The following ZNF277 variants were observed in gnomAD, a reference collection of about 807,000 sequenced individuals.
The protein encoded by ZNF277 is zinc finger protein 277.
Under a neutral mutation model 60.7 loss-of-function variants are expected in ZNF277, and 55 were observed. That is an observed-to-expected ratio of 0.91 (90% CI 0.73 to 1.13). ZNF277 has a LOEUF of 1.13. ZNF277 is among the 50% of genes most tolerant of loss of function. The probability of loss-of-function intolerance (pLI) is 0.00; values close to 1 mark genes in which losing one functional copy is unlikely to be tolerated. For missense variants in ZNF277, 510 were observed against 523.0 expected (o/e 0.98, Z 0.24); for synonymous variants, 178 against 179.3 (o/e 0.99, Z 0.06).
intron 1 of ZNF277, among the ~76,000 whole-genome samples, chr7:112,258,299 A>T (rs1791370190): frequency 1.3e-5 from 2 of 151,770 alleles, no homozygotes; most frequent in South Asian, 4.2e-4. Context: ...CCTAGTTAGG[A>T]TTACTAGATT....
intron 1 of ZNF277, among the ~76,000 whole-genome samples, chr7:112,270,036 G>A (rs1307448907): frequency 6.6e-6 from 1 of 152,016 alleles, no homozygotes; most frequent in African/African-American, 2.4e-5. Flanking sequence ...TGTAACCAGA[G>A]CAATCCTAAT....
chr7:112,289,959 G>A (rs1317668458), intron 2 of ZNF277, among the ~76,000 whole-genome samples: 4 of 151,776 alleles, frequency 2.6e-5, no homozygotes, highest in African/African-American at 4.8e-5. Flanking sequence ...AGTTACACAC[G>A]TATACATGTG....
At chr7:112,333,162 A>G (rs1194002284) in intron 7 of ZNF277, among the ~76,000 whole-genome samples, 2 of 152,160 alleles carry the variant, frequency 1.3e-5, no homozygotes, top group African/African-American at 4.8e-5. Context: ...TAAAAAAAAA[A>G]AAGATAGATA....
At chr7:112,299,815 AG>A (rs1792434408) in intron 4 of ZNF277, among the ~76,000 whole-genome samples, 1 of 152,230 alleles carries the variant, frequency 6.6e-6, no homozygotes, top group African/African-American at 2.4e-5. Context: ...TCCACGAGGA[AG>A]AACCCTCAAA....
At position 112,280,944 on chromosome 7, in the gene ZNF277, A is replaced by G. The variant is rs73424435; in HGVS notation, c.92-5929A>G. Among the ~76,000 whole-genome samples the G allele has an allele frequency of 9.2e-3, 1,405 of 152,240 alleles. 19 individuals are homozygous for G. The highest frequency in any genetic ancestry group is 0.032 in the African/African-American group (1,332 of 41,546). On this transcript the variant is annotated intron_variant, in intron 1 of 11. Coordinates refer to ENST00000361822, the MANE Select transcript of ZNF277 (RefSeq NM_021994.3). ...CGCCCAGCCCCTATTGTCTTTTACC[A>G]TGGAGTAAGATATAAATGTGACACT...
chr7:112,261,159 T>A (rs1791429327), intron 1 of ZNF277, among the ~76,000 whole-genome samples: 1 of 152,184 alleles, frequency 6.6e-6, no homozygotes, highest in African/African-American at 2.4e-5. Flanking sequence ...TCTCTATCAT[T>A]CTCTGCGTTA....
intron 1 of ZNF277, among the ~76,000 whole-genome samples, chr7:112,243,896 A>G (rs1791019166): frequency 1.3e-5 from 2 of 152,022 alleles, no homozygotes; most frequent in African/African-American, 4.8e-5. Context: ...ATTGGAATAA[A>G]CCTACGCGTC....
Position 112,208,674 on chromosome 7 carries a change from A to ATTTTTTTTTT in ZNF277, c.91+1882_91+1891dup, listed in dbSNP as rs869082099. 1.8e-3 allele frequency among the ~76,000 whole-genome samples: 129 copies of ATTTTTTTTTT among 72,808 alleles called. 13 individuals are homozygous for ATTTTTTTTTT. Among genetic ancestry groups the ATTTTTTTTTT allele is most frequent in the African/African-American group, 2.2e-3 (36 of 16,738 alleles). 47.8% of individuals were successfully genotyped at this position (72,808 alleles called of 152,430 possible). A position where few individuals can be genotyped will look rare whatever the true frequency, so the allele number is the denominator to read the frequency against. On this transcript the variant is annotated intron_variant, in intron 1 of 11. Coordinates refer to ENST00000361822, the MANE Select transcript of ZNF277 (RefSeq NM_021994.3). ...ATATGACACACGTCTGTATGATTTG[A>ATTTTTTTTTT]TTTTTTTTTTTTTTTTTTTTTTTTG...
At chr7:112,270,623 CTAAT>C (rs752610190) in intron 1 of ZNF277, among the ~76,000 whole-genome samples, 107 of 152,126 alleles carry the variant, frequency 7.0e-4, no homozygotes, top group Non-Finnish European at 1.4e-3. Context: ...AGACTGTAGT[CTAAT>C]TATGTTTCAT....
At chr7:112,217,000 T>A (rs1218786810) in intron 1 of ZNF277, among the ~76,000 whole-genome samples, 1 of 152,248 alleles carries the variant, frequency 6.6e-6, no homozygotes, top group African/African-American at 2.4e-5. Flanking sequence ...GAGCTACTGA[T>A]AGAACTGAGG....
intron 4 of ZNF277, among the ~76,000 whole-genome samples, chr7:112,310,174 A>G (rs1041896343): frequency 1.3e-5 from 2 of 152,068 alleles, no homozygotes; most frequent in Non-Finnish European, 2.9e-5. Context: ...TATGTGGCTC[A>G]GAGCCCCAAC....
intron 2 of ZNF277, chr7:112,288,970 A>G (rs1338019033): frequency 2.7e-5 from 4 of 150,872 alleles, no homozygotes; most frequent in African/African-American, 9.7e-5. Flanking sequence ...AAAAAAAAAA[A>G]AAAAAAAAAG....
At chr7:112,319,516 T>C (rs1414013075) in intron 5 of ZNF277, among the ~76,000 whole-genome samples, 1 of 151,764 alleles carries the variant, frequency 6.6e-6, no homozygotes, top group African/African-American at 2.4e-5. Flanking sequence ...CAGAAAAATA[T>C]CATTCTCTGC....
intron 1 of ZNF277, among the ~76,000 whole-genome samples, chr7:112,238,887 G>A (rs577551542): frequency 1.4e-4 from 21 of 151,870 alleles, no homozygotes; most frequent in African/African-American, 3.4e-4. Flanking sequence ...AGATTTTGGC[G>A]CGTACCGCCC....
intron 1 of ZNF277, among the ~76,000 whole-genome samples, chr7:112,232,795 G>C (rs977535936): frequency 2.6e-5 from 4 of 152,120 alleles, no homozygotes; most frequent in African/African-American, 9.7e-5. Context: ...GGAGTACTTT[G>C]TACTCTTCAG....
intron 1 of ZNF277, among the ~76,000 whole-genome samples, chr7:112,259,078 A>G (rs1461833407): frequency 2.0e-5 from 3 of 152,098 alleles, no homozygotes; most frequent in Non-Finnish European, 4.4e-5. Context: ...GATATTAACC[A>G]TCTGTATTAA....
intron 1 of ZNF277, among the ~76,000 whole-genome samples, chr7:112,224,386 C>T (rs1822119267): frequency 6.6e-6 from 1 of 152,224 alleles, no homozygotes; most frequent in Non-Finnish European, 1.5e-5. Flanking sequence ...CTGTGTGTGG[C>T]CCACGGGCCA....
rs1793409778 is a variant in ZNF277, at chr7:112,339,883, T to A, written c.1007T>A (p.Leu336His). ...EFDLLKIKSE[L>H]GLNFYQQVKL... is the part of the protein sequence containing the mutation. ...GATCTTCTCAAAATAAAGTCAGAAC[T>A]TGGTAAGTTTGATTCAGAGGTTTTT... is the stretch of plus-strand genomic sequence containing the variant. The change falls in exon 10 of 12, where the codon CTT becomes CAT. Residue 336 changes from leucine to histidine, a missense_variant and splice_region_variant. Physicochemically the swap from Leu to His is moderately conservative, Grantham distance 99. Coordinates refer to ENST00000361822, the MANE Select transcript of ZNF277 (RefSeq NM_021994.3). 1 of 1,609,706 alleles carries A rather than the reference T, an allele frequency of 6.2e-7. No individual in the cohort carries two copies. The highest frequency in any genetic ancestry group is 8.5e-7 in the Non-Finnish European group (1 of 1,179,904).
rs554968159 is a variant in ZNF277, at chr7:112,279,483, G to A, written c.92-7390G>A. 5.9e-5 allele frequency among the ~76,000 whole-genome samples: 9 copies of A among 152,076 alleles called. No individual in the cohort carries two copies. In the East Asian group the frequency reaches 1.5e-3, roughly 26 times the overall value. On this transcript the variant is annotated intron_variant, in intron 1 of 11. Coordinates refer to ENST00000361822, the MANE Select transcript of ZNF277 (RefSeq NM_021994.3). ...CTTTTCATATACCTGTTGGATGTTC[G>A]TATGTCTTCTTTGAAGAAATGTGTA...
Sources: allele counts gnomAD v4.1 joint callset (sites outside exome capture counted in the v4.1 genomes callset), GRCh38; gene constraint gnomAD v4.1.1; transcripts MANE v1.5; gene names NCBI Gene and HGNC (gene_info 2026-07-23, HGNC 2026-07-21).